The following CBFA2T3 variants were observed in gnomAD, a reference collection of about 807,000 sequenced individuals.
CBFA2T3 encodes transcriptional corepressor CBFA2T3.
A neutral mutation model predicts 58.6 loss-of-function variants in CBFA2T3; 31 were observed. The ratio of observed to expected loss-of-function variants is 0.53; its 90% CI spans 0.40 to 0.71. CBFA2T3 has a LOEUF of 0.71. CBFA2T3 is among the 30% of genes least tolerant of loss of function. The pLI is 0.00. For missense variants in CBFA2T3, 1,076 were observed against 963.1 expected, an observed-to-expected ratio of 1.12 and a Z score of -1.55; for synonymous variants, 531 against 421.9, an observed-to-expected ratio of 1.26 and a Z score of -3.17.
Position 88,892,451 on chromosome 16 carries a change from G to T in CBFA2T3, c.414C>A (p.Ile138=). 1 of 1,613,312 alleles carries T rather than the reference G, an allele frequency of 6.2e-7. No homozygotes were observed. The highest frequency in any genetic ancestry group is 8.5e-7 in the Non-Finnish European group (1 of 1,179,904). ...MNGSSHSPTA[I]NGAPCTPNGF... is the part of the protein sequence containing the mutation. ...CGTTGGGTGTGCACGGTGCACCATT[G>T]ATGGCTGTTGGTGAGTGGCTGCTGC... is the stretch of plus-strand genomic sequence containing the variant. Residue 138 remains isoleucine (I), a synonymous_variant, in exon 4 of 12, where the codon ATC becomes ATA. Coordinates refer to ENST00000268679, the MANE Select transcript of CBFA2T3 (RefSeq NM_005187.6).
At chr16:88,916,228 G>GTA (rs1970719146) in intron 1 of CBFA2T3, among the ~76,000 whole-genome samples, 2 of 149,032 alleles carry the variant, frequency 1.3e-5, no homozygotes, top group African/African-American at 4.9e-5. Flanking sequence ...ATACATGTGG[G>GTA]TGTGTGTATT....
At chr16:88,890,745 G>A (rs936373325) in intron 5 of CBFA2T3, among the ~76,000 whole-genome samples, 5 of 152,156 alleles carry the variant, frequency 3.3e-5, no homozygotes, top group African/African-American at 1.2e-4. Context: ...GAGACAGGGT[G>A]TTGCTCTGTC....
chr16:88,947,231 C>T (rs1237484146), intron 1 of CBFA2T3, among the ~76,000 whole-genome samples: 1 of 152,350 alleles, frequency 6.6e-6, no homozygotes, highest in East Asian at 1.9e-4. Context: ...CCCAGTTGTC[C>T]TGTAAACCCA....
At chr16:88,881,011 T>C (rs148328661) in intron 9 of CBFA2T3, 4 of 684,256 alleles carry the variant, frequency 5.8e-6, no homozygotes, top group African/African-American at 3.5e-5. Context: ...GGGAGCCGTG[T>C]GTGTCCTGGG....
At chr16:88,949,281 G>A (rs577624204) in intron 1 of CBFA2T3, among the ~76,000 whole-genome samples, 17 of 152,316 alleles carry the variant, frequency 1.1e-4, no homozygotes, top group East Asian at 1.9e-4. Context: ...TTGGGAGGCC[G>A]GGCGCGGCGC....
At chr16:88,969,644 G>A (rs1308625022) in intron 1 of CBFA2T3, among the ~76,000 whole-genome samples, 2 of 152,244 alleles carry the variant, frequency 1.3e-5, no homozygotes, top group African/African-American at 2.4e-5. Flanking sequence ...AGAGGGGGGC[G>A]GGGCCGGCCT....
At position 88,875,196 on chromosome 16, in the gene CBFA2T3, G is replaced by A. The variant is rs1597647538; in HGVS notation, c.*1780C>T. The A allele has an allele frequency of 8.5e-6, 2 of 234,946 alleles. No homozygotes were observed. The highest frequency in any genetic ancestry group is 4.4e-5 in the African/African-American group (2 of 45,322). The allele number at this position is 234,946 out of a possible 1,614,324, so 14.6% of individuals were successfully genotyped here. On this transcript the variant is annotated 3_prime_UTR_variant, in exon 12 of 12. Transcript: ENST00000268679. ...GCCACACCACGCACACAGATGCCAA[G>A]CCACGGGCCACGCCACACGCACAGA...
chr16:88,935,823 A>T (rs1272276916), intron 1 of CBFA2T3, among the ~76,000 whole-genome samples: 1 of 152,172 alleles, frequency 6.6e-6, no homozygotes, highest in Non-Finnish European at 1.5e-5. Flanking sequence ...AGACACACAC[A>T]TCCCAGCTCA....
At chr16:88,976,149 C>T (rs1972855473) in intron 1 of CBFA2T3, among the ~76,000 whole-genome samples, 1 of 152,224 alleles carries the variant, frequency 6.6e-6, no homozygotes, top group Admixed American at 6.5e-5. Context: ...ACCCCCACTG[C>T]CCTGGCTGGA....
chr16:88,963,292 T>TGGGCGCTCGTCTTCTGCCAGGGGC (rs1567637363), intron 1 of CBFA2T3, among the ~76,000 whole-genome samples: 6 of 144,252 alleles, frequency 4.2e-5, no homozygotes, highest in Non-Finnish European at 6.0e-5. Flanking sequence ...CTGCCAGGGG[T>TGGGCGCTCGTCTTCTGCCAGGGGC]GGGCGCTCAT....
At chr16:88,902,682 G>A (rs1014852226) in intron 1 of CBFA2T3, among the ~76,000 whole-genome samples, 2 of 152,198 alleles carry the variant, frequency 1.3e-5, no homozygotes, top group Admixed American at 6.5e-5. Context: ...TAAGCCCCAG[G>A]GCCTCCCCAT....
chr16:88,874,916 T>C lies in CBFA2T3; in HGVS notation c.*2060A>G, dbSNP rs898542630. 1 of 232,890 alleles carries C rather than the reference T, an allele frequency of 4.3e-6. No homozygotes were observed. Among genetic ancestry groups the C allele is most frequent in the East Asian group, 6.0e-5 (1 of 16,530 alleles). 14.4% of individuals were successfully genotyped at this position (232,890 alleles called of 1,614,324 possible). A position where few individuals can be genotyped will look rare whatever the true frequency, so the allele number is the denominator to read the frequency against. On this transcript the variant is annotated 3_prime_UTR_variant, in exon 12 of 12. Coordinates refer to ENST00000268679, the MANE Select transcript of CBFA2T3 (RefSeq NM_005187.6). ...GTTTATTACCATCATGAATATCATT[T>C]GGACCTCTGCAAAGACTATATACAT...
rs1968808610 is a variant in CBFA2T3 at position 88,875,755 on chromosome 16, G to C, written c.*1221C>G. ...AAAGCAGTCGAGAATCAACCCAAAA[G>C]ATTGTCACAGTTTTGTTTCGGAATT... On this transcript the variant is annotated 3_prime_UTR_variant, in exon 12 of 12. Transcript: ENST00000268679. 1 of 233,510 alleles carries C rather than the reference G, an allele frequency of 4.3e-6. No homozygotes were observed. The highest frequency in any genetic ancestry group is 2.2e-5 in the African/African-American group (1 of 45,316). The allele number at this position is 233,510 out of a possible 1,614,324, so 14.5% of individuals were successfully genotyped here.
chr16:88,897,143 G>A (rs1479413294), intron 3 of CBFA2T3, among the ~76,000 whole-genome samples: 3 of 152,230 alleles, frequency 2.0e-5, no homozygotes, highest in Non-Finnish European at 2.9e-5. Flanking sequence ...TGGGGGCTCC[G>A]GGATCTGGGA....
rs1968829431 is a variant in CBFA2T3 at position 88,876,375 on chromosome 16, CT to C, written c.*600del. On this transcript the variant is annotated 3_prime_UTR_variant, in exon 12 of 12. Transcript: ENST00000268679. Reference sequence around the variant, plus strand: ...GTCTTCGCTGATCAGCCTCACGCCCCTGGGGGAGGGGCACAGCTGGGTTCAG... The same window carrying C: ...GTCTTCGCTGATCAGCCTCACGCCCCGGGGGAGGGGCACAGCTGGGTTCAG... 4.3e-6 allele frequency: 1 copy of C among 229,930 alleles called. No individual in the cohort carries two copies. The highest frequency in any genetic ancestry group is 1.8e-4 in the South Asian group (1 of 5,504). 14.2% of individuals were successfully genotyped at this position (229,930 alleles called of 1,614,324 possible).
At position 88,875,935 on chromosome 16, in the gene CBFA2T3, C is replaced by T. The variant is rs982213192; in HGVS notation, c.*1041G>A. The stretch of plus-strand genomic sequence containing the variant: ...CAACGGCACACGGACCACGCACACG[C>T]GGCGGACGCACCAACGCCTACGCAG... On this transcript the variant is annotated 3_prime_UTR_variant, in exon 12 of 12. Coordinates refer to ENST00000268679, the MANE Select transcript of CBFA2T3 (RefSeq NM_005187.6). The T allele has an allele frequency of 6.0e-5, 14 of 233,126 alleles. No individual in the cohort carries two copies. The highest frequency in any genetic ancestry group is 5.6e-4 in the Admixed American group (10 of 17,768). 14.4% of individuals were successfully genotyped at this position (233,126 alleles called of 1,614,324 possible).
At chr16:88,934,702 C>T (rs368487218) in intron 1 of CBFA2T3, among the ~76,000 whole-genome samples, 11 of 152,230 alleles carry the variant, frequency 7.2e-5, no homozygotes, top group African/African-American at 9.6e-5. Flanking sequence ...CACGAAGGGC[C>T]GTGCCCTGCC....
chr16:88,913,465 T>A (rs1970592807), intron 1 of CBFA2T3, among the ~76,000 whole-genome samples: 1 of 152,250 alleles, frequency 6.6e-6, no homozygotes, highest in Non-Finnish European at 1.5e-5. Flanking sequence ...ACTTTGGTAC[T>A]TAGAATCTCA....
At chr16:88,891,861 G>T (rs183072982) in intron 5 of CBFA2T3, 21 bp downstream of exon 5, 1 of 1,572,782 alleles carries the variant, frequency 6.4e-7, no homozygotes, top group African/African-American at 1.4e-5. Flanking sequence ...CCCGCAGCAC[G>T]GGGGACGGGT....
Sources: gnomAD v4.1 joint callset for allele counts (sites outside exome capture counted in the v4.1 genomes callset) on GRCh38, gnomAD v4.1.1 for gene constraint, MANE v1.5 for transcripts, NCBI Gene and HGNC (gene_info 2026-07-23, HGNC 2026-07-21) for gene names.